The following PLXDC2 variants were observed in gnomAD, a reference collection of about 807,000 sequenced individuals.
PLXDC2 encodes the protein plexin domain containing 2.
Under a neutral mutation model 68.9 loss-of-function variants are expected in PLXDC2, and 40 were observed. The ratio of observed to expected loss-of-function variants is 0.58; its 90% CI spans 0.45 to 0.76. PLXDC2 has a LOEUF of 0.76. PLXDC2 is among the 30% of genes least tolerant of loss of function. The pLI, the probability that PLXDC2 is intolerant of heterozygous loss-of-function variation, is 0.00. For missense variants in PLXDC2, 644 were observed against 661.9 expected, an observed-to-expected ratio of 0.97 and a Z score of 0.30; for synonymous variants, 243 against 234.2, an observed-to-expected ratio of 1.04 and a Z score of -0.34.
At chr10:19,965,567 A>T (rs745692709) in intron 1 of PLXDC2, among the ~76,000 whole-genome samples, 3 of 152,122 alleles carry the variant, frequency 2.0e-5, no homozygotes, top group Non-Finnish European at 4.4e-5. Flanking sequence ...TTGCCAATAC[A>T]ATCAGACATC....
At chr10:20,216,313 T>C (rs551937845) in intron 10 of PLXDC2, among the ~76,000 whole-genome samples, 1 of 152,214 alleles carries the variant, frequency 6.6e-6, no homozygotes, top group Admixed American at 6.5e-5. Context: ...ATCTAAAACA[T>C]TTTCCACTAC....
intron 1 of PLXDC2, among the ~76,000 whole-genome samples, chr10:19,985,248 C>G (rs1834616405): frequency 6.6e-6 from 1 of 152,214 alleles, no homozygotes; most frequent in Non-Finnish European, 1.5e-5. Context: ...GACTCCTCCC[C>G]TTCTCCTGTC....
Position 20,001,866 on chromosome 10 carries a change from C to G in PLXDC2, c.204C>G (p.Asn68Lys). Residue 68 changes from asparagine (N) to lysine (K), a missense_variant, in exon 2 of 14, where the codon AAC becomes AAG. By Grantham distance (94) the Asn-to-Lys change is moderately conservative. Transcript: ENST00000377252. ...SHAYSHRWKR[N>K]LDFLKAVDTN... is the part of the protein sequence containing the mutation. ...CGTACAGCCACAGGTGGAAAAGAAA[C>G]TTGGACTTTCTCAAGGCGGTAGACA... 1 of 1,614,010 alleles carries G rather than the reference C, an allele frequency of 6.2e-7. No individual in the cohort carries two copies. Among genetic ancestry groups the G allele is most frequent in the Non-Finnish European group, 8.5e-7 (1 of 1,180,000 alleles).
intron 4 of PLXDC2, among the ~76,000 whole-genome samples, chr10:20,103,655 T>G (rs1365880992): frequency 3.3e-5 from 5 of 151,122 alleles, no homozygotes; most frequent in Non-Finnish European, 4.4e-5. Flanking sequence ...TTTCTTTTTT[T>G]TTTTTTGAGA....
intron 4 of PLXDC2, among the ~76,000 whole-genome samples, chr10:20,079,482 A>T (rs1032040912): frequency 4.6e-5 from 7 of 152,184 alleles, no homozygotes; most frequent in Non-Finnish European, 7.4e-5. Context: ...CTACATAAAC[A>T]TGAATGTTTA....
chr10:19,954,042 A>G (rs938698135), intron 1 of PLXDC2, among the ~76,000 whole-genome samples: 11 of 152,212 alleles, frequency 7.2e-5, no homozygotes, highest in African/African-American at 2.7e-4. Flanking sequence ...CAGCAGTGAT[A>G]TAAATCCAGC....
At chr10:20,058,474 T>C (rs1202471972) in intron 3 of PLXDC2, among the ~76,000 whole-genome samples, 2 of 152,202 alleles carry the variant, frequency 1.3e-5, no homozygotes, top group East Asian at 3.8e-4. Flanking sequence ...CCTCCTAAGG[T>C]TGTCATTAGG....
At chr10:20,253,102 T>C (rs2778973) in intron 13 of PLXDC2, among the ~76,000 whole-genome samples, 132,650 of 151,862 alleles carry the variant, frequency 0.87, 58,406 homozygotes, top group Middle Eastern at 0.94. Flanking sequence ...CGGTGGCTCA[T>C]GCCTGTAATC....
At chr10:19,882,379 A>G (rs1837743860) in intron 1 of PLXDC2, among the ~76,000 whole-genome samples, 1 of 152,232 alleles carries the variant, frequency 6.6e-6, no homozygotes, top group South Asian at 2.1e-4. Flanking sequence ...AAGGAAAACA[A>G]GAAGCCCAGA....
At chr10:19,907,193 C>A (rs1833179430) in intron 1 of PLXDC2, among the ~76,000 whole-genome samples, 1 of 152,128 alleles carries the variant, frequency 6.6e-6, no homozygotes, top group Non-Finnish European at 1.5e-5. Context: ...GCCTGAAATT[C>A]TAGCCTTAAG....
At chr10:20,178,460 G>A (rs1312344317) in intron 9 of PLXDC2, among the ~76,000 whole-genome samples, 1 of 152,090 alleles carries the variant, frequency 6.6e-6, no homozygotes, top group Non-Finnish European at 1.5e-5. Flanking sequence ...CCCCCATGAA[G>A]TTTACAGTCT....
At chr10:19,922,161 G>T (rs776256361) in intron 1 of PLXDC2, among the ~76,000 whole-genome samples, 14 of 152,158 alleles carry the variant, frequency 9.2e-5, no homozygotes, top group Non-Finnish European at 1.9e-4. Context: ...TCTCAGCCAG[G>T]ACAACTGTGT....
At chr10:20,080,942 C>T (rs74719237) in intron 4 of PLXDC2, among the ~76,000 whole-genome samples, 4,892 of 152,242 alleles carry the variant, frequency 0.032, 126 homozygotes, top group Middle Eastern at 0.058. Flanking sequence ...TGTGGATTGG[C>T]CTAAGGGTCA....
intron 1 of PLXDC2, among the ~76,000 whole-genome samples, chr10:19,966,197 A>C: frequency 7.2e-6 from 1 of 139,434 alleles, no homozygotes; most frequent in African/African-American, 2.9e-5. Context: ...ATATGTACTC[A>C]TGCACATATA....
At chr10:20,003,743 C>A (rs1834979948) in intron 2 of PLXDC2, among the ~76,000 whole-genome samples, 1 of 152,112 alleles carries the variant, frequency 6.6e-6, no homozygotes, top group Non-Finnish European at 1.5e-5. Context: ...GAAACAGCAT[C>A]TTTTATTATT....
chr10:20,244,890 C>T (rs1020627548), intron 12 of PLXDC2, among the ~76,000 whole-genome samples: 7 of 152,084 alleles, frequency 4.6e-5, no homozygotes, highest in African/African-American at 7.2e-5. Context: ...CTGAGGCAGG[C>T]GGATCACCTG....
chr10:20,010,212 C>A (rs576857185), intron 2 of PLXDC2, among the ~76,000 whole-genome samples: 1 of 152,236 alleles, frequency 6.6e-6, no homozygotes, highest in African/African-American at 2.4e-5. Flanking sequence ...CTTGTTTCTT[C>A]CACTCTGTGT....
intron 1 of PLXDC2, among the ~76,000 whole-genome samples, chr10:19,860,425 A>G (rs769427502): frequency 8.5e-5 from 13 of 152,348 alleles, no homozygotes; most frequent in South Asian, 2.1e-4. Flanking sequence ...CTGTTGATGA[A>G]TGAGCGAAAG....
At chr10:20,119,535 G>A (rs2948729) in intron 4 of PLXDC2, among the ~76,000 whole-genome samples, 109,037 of 143,166 alleles carry the variant, frequency 0.76, 42,164 homozygotes, top group African/African-American at 0.85. Flanking sequence ...CGCAGGAACC[G>A]GGGATCTGGA....
Sources: allele counts gnomAD v4.1 joint callset (sites outside exome capture counted in the v4.1 genomes callset), GRCh38; gene constraint gnomAD v4.1.1; transcripts MANE v1.5; gene names NCBI Gene and HGNC (gene_info 2026-07-23, HGNC 2026-07-21).